ANO2: variants seen among roughly 807,000 people sequenced by gnomAD.
ANO2 encodes the protein anoctamin 2, also known as anoctamin-2.
A neutral mutation model predicts 124.2 loss-of-function variants in ANO2; 101 were observed. The observed-to-expected ratio is 0.81, with a 90% CI of 0.69 to 0.96. The LOEUF (loss-of-function observed/expected upper bound fraction) is 0.96, where lower values mean the gene tolerates loss of function less well. Ranked by LOEUF, ANO2 falls within the 40% of genes least tolerant of loss-of-function variation. The pLI, the probability that ANO2 is intolerant of heterozygous loss-of-function variation, is 0.00. For synonymous variants in ANO2, 486 were observed against 482.5 expected (o/e 1.01, Z -0.09); for missense variants, 1,293 against 1,274.5 (o/e 1.01, Z -0.22).
rs1164567670 is a variant in ANO2 at position 5,923,185 on chromosome 12, T to TAC, written c.23-383_23-382dup. 6.3e-4 allele frequency among the ~76,000 whole-genome samples: 9 copies of TAC among 14,196 alleles called. 2 individuals are homozygous for TAC. In the South Asian group the frequency reaches 0.016, roughly 25 times the overall value. 9.3% of individuals were successfully genotyped at this position (14,196 alleles called of 152,430 possible). On this transcript the variant is annotated intron_variant, in intron 1 of 24. Coordinates refer to ENST00000682330, the MANE Select transcript of ANO2 (RefSeq NM_001364791.2). ...GCATACACACACACGCACACACACA[T>TAC]ACACACACACGCACGCACACACACC...
chr12:5,946,207 T>A (rs1293507186), upstream of ANO2: 1 of 1,610,482 alleles, frequency 6.2e-7, no homozygotes, highest in Non-Finnish European at 8.5e-7. The surrounding 1 kb of genome is among the most constrained non-coding windows in gnomAD (Gnocchi z 4.1). Context: ...TCATGATAGA[T>A]CCCACTTTAT....
intron 14 of ANO2, among the ~76,000 whole-genome samples, chr12:5,715,944 C>A (rs1045981165): frequency 6.6e-6 from 1 of 152,070 alleles, no homozygotes; most frequent in East Asian, 1.9e-4. Context: ...AAATATTGGG[C>A]AACTATTGAA....
chr12:5,946,068 TA>T, upstream of ANO2: 1 of 1,525,182 alleles, frequency 6.6e-7, no homozygotes, highest in Non-Finnish European at 9.1e-7. This position sits in a 1 kb window ranked among gnomAD's most constrained non-coding sequence, Gnocchi z 4.1. Flanking sequence ...TGCACAGAAG[TA>T]AAACAAGTTC....
intron 20 of ANO2, among the ~76,000 whole-genome samples, chr12:5,596,726 C>T (rs751089991): frequency 5.9e-5 from 9 of 151,960 alleles, no homozygotes; most frequent in Non-Finnish European, 1.3e-4. Flanking sequence ...GTGGCATGGC[C>T]CTGACAAAGT....
At chr12:5,918,984 T>G (rs1941539262) in intron 3 of ANO2, among the ~76,000 whole-genome samples, 1 of 152,162 alleles carries the variant, frequency 6.6e-6, no homozygotes, top group Admixed American at 6.5e-5. Context: ...CTGACACTTA[T>G]TAAGCACCTA....
intron 4 of ANO2, among the ~76,000 whole-genome samples, chr12:5,837,334 T>C (rs1469147703): frequency 5.0e-5 from 1 of 19,936 alleles, no homozygotes; most frequent in East Asian, 0.062. Flanking sequence ...CTTTTTTTTT[T>C]TTTTTAAATT....
At chr12:5,880,116 G>A (rs1264236943) in intron 3 of ANO2, among the ~76,000 whole-genome samples, 2 of 152,194 alleles carry the variant, frequency 1.3e-5, no homozygotes, top group Admixed American at 6.5e-5. Context: ...ATCTAAGGAG[G>A]CTTCCAGATT....
At chr12:5,664,128 G>C (rs578006825) in intron 14 of ANO2, among the ~76,000 whole-genome samples, 13 of 152,218 alleles carry the variant, frequency 8.5e-5, no homozygotes, top group Admixed American at 8.5e-4. Flanking sequence ...ATGTGCGCAC[G>C]CATGCATGTG....
rs111819431 is a variant in ANO2, at chr12:5,861,776, C to T, written c.535-7635G>A. 3.6e-4 allele frequency among the ~76,000 whole-genome samples: 55 copies of T among 152,296 alleles called. 2 individuals carry two copies. In the South Asian group the frequency reaches 5.8e-3, roughly 16 times the overall value. On this transcript the variant is annotated intron_variant, in intron 3 of 24. Transcript: ENST00000682330. ...TTGGACTCCCCTAAGACATCACCAG[C>T]GCCCCCACCACACCTGCTGGGAGCC...
Position 5,908,550 on chromosome 12 carries a change from C to T in ANO2, c.534+12490G>A, listed in dbSNP as rs565383187. On this transcript the variant is annotated intron_variant, in intron 3 of 24. Coordinates refer to ENST00000682330, the MANE Select transcript of ANO2 (RefSeq NM_001364791.2). The surrounding 1 kb of genome is among the most constrained non-coding windows in gnomAD (Gnocchi z 4.7). ...AGCCGAGACTCCCAACCCAGTGATGCTCAAGGAATGGTAAACACATTCTGG... is the reference window on the plus strand; with the variant it reads ...AGCCGAGACTCCCAACCCAGTGATGTTCAAGGAATGGTAAACACATTCTGG... Among the ~76,000 whole-genome samples, 11 of 152,294 alleles carry T rather than the reference C, an allele frequency of 7.2e-5. No individual in the cohort carries two copies. The highest frequency in any genetic ancestry group is 7.2e-4 in the Admixed American group (11 of 15,300).
chr12:5,713,224 C>T (rs984887450), intron 14 of ANO2, among the ~76,000 whole-genome samples: 5 of 152,036 alleles, frequency 3.3e-5, no homozygotes, highest in African/African-American at 9.7e-5. Flanking sequence ...TGGTGCTCGT[C>T]GGGTGTGGCA....
rs567589738 is a variant in ANO2, at chr12:5,653,852, T to C, written c.1546-6051A>G. Among the ~76,000 whole-genome samples the C allele has an allele frequency of 1.0e-3, 153 of 152,128 alleles. 1 individual carries two copies. The highest frequency in any genetic ancestry group is 1.6e-3 in the Non-Finnish European group (112 of 68,028). Reference sequence around the variant, plus strand: ...TGACTAGGAGACATTTCAACTGTGATTAAAGAATGATTAGAGTTTCCCGGG... The same window carrying C: ...TGACTAGGAGACATTTCAACTGTGACTAAAGAATGATTAGAGTTTCCCGGG... On this transcript the variant is annotated intron_variant, in intron 14 of 24. Coordinates refer to ENST00000682330, the MANE Select transcript of ANO2 (RefSeq NM_001364791.2).
chr12:5,661,667 TC>T (rs1285043847), intron 14 of ANO2, among the ~76,000 whole-genome samples: 2 of 152,058 alleles, frequency 1.3e-5, no homozygotes, highest in African/African-American at 4.8e-5. Context: ...TGCCACTGGG[TC>T]CCACTTTAGC....
Position 5,862,820 on chromosome 12 carries a change from C to T in ANO2, c.535-8679G>A, listed in dbSNP as rs1380296933. Among the ~76,000 whole-genome samples, 3 of 151,986 alleles carry T rather than the reference C, an allele frequency of 2.0e-5. No homozygotes were observed. Among genetic ancestry groups the T allele is most frequent in the African/African-American group, 2.4e-5 (1 of 41,368 alleles). ...TCTTTCTTTTTTTGAGACAAAATTT[C>T]GCTCTTGTTACCCAGGCTGGAGTGC... On this transcript the variant is annotated intron_variant, in intron 3 of 24. Coordinates refer to ENST00000682330, the MANE Select transcript of ANO2 (RefSeq NM_001364791.2). The surrounding 1 kb of genome is among the most constrained non-coding windows in gnomAD (Gnocchi z 4.0).
Position 5,862,857 on chromosome 12 carries a change from C to A in ANO2, c.535-8716G>T, listed in dbSNP as rs547682187. On this transcript the variant is annotated intron_variant, in intron 3 of 24. Coordinates refer to ENST00000682330, the MANE Select transcript of ANO2 (RefSeq NM_001364791.2). This position sits in a 1 kb window ranked among gnomAD's most constrained non-coding sequence, Gnocchi z 4.0. ...CCAGGCTGGAGTGCAATGGCGCAAT[C>A]TTGGCTCACTGCAACCTCCACCTCC... Among the ~76,000 whole-genome samples, 147 of 152,294 alleles carry A rather than the reference C, an allele frequency of 9.7e-4. 2 individuals are homozygous for A. The highest frequency in any genetic ancestry group is 1.9e-3 in the East Asian group (10 of 5,182).
intron 3 of ANO2, among the ~76,000 whole-genome samples, chr12:5,903,665 G>GTGTC (rs1320237433): frequency 6.6e-6 from 1 of 151,776 alleles, no homozygotes; most frequent in Non-Finnish European, 1.5e-5. Context: ...GTGTGTGTGT[G>GTGTC]TGTGTGTGTG....
intron 14 of ANO2, among the ~76,000 whole-genome samples, chr12:5,703,475 T>A (rs1374671405): frequency 6.6e-6 from 1 of 152,202 alleles, no homozygotes; most frequent in Non-Finnish European, 1.5e-5. Flanking sequence ...CTGAAGCTAA[T>A]AGGATAAAAT....
intron 10 of ANO2, among the ~76,000 whole-genome samples, chr12:5,775,536 A>T (rs1219779990): frequency 3.5e-5 from 5 of 142,994 alleles, no homozygotes; most frequent in Middle Eastern, 3.4e-3. Context: ...ATCTTGGCTC[A>T]CTGCAAGCTC....
intron 15 of ANO2, among the ~76,000 whole-genome samples, chr12:5,639,489 T>C (rs1412942086): frequency 6.6e-6 from 1 of 152,148 alleles, no homozygotes; most frequent in East Asian, 1.9e-4. Context: ...AAGTAGTACC[T>C]TCAGCACGAG....
Sources: allele counts gnomAD v4.1 joint callset (sites outside exome capture counted in the v4.1 genomes callset), GRCh38; gene constraint gnomAD v4.1.1; non-coding constraint Gnocchi (gnomAD v3.1); transcripts MANE v1.5; gene names NCBI Gene and HGNC (gene_info 2026-07-23, HGNC 2026-07-21).